PTPN23: variants seen among roughly 807,000 people sequenced by gnomAD.
PTPN23 encodes the protein protein tyrosine phosphatase non-receptor type 23, also known as tyrosine-protein phosphatase non-receptor type 23.
PTPN23 carries 72 observed loss-of-function variants against 156.3 expected under a neutral mutation model. The ratio of observed to expected loss-of-function variants is 0.46; its 90% confidence interval spans 0.38 to 0.56. The LOEUF (loss-of-function observed/expected upper bound fraction) is 0.56, where lower values mean the gene tolerates loss of function less well. PTPN23 is among the 20% of genes least tolerant of loss of function. PTPN23 has a pLI of 0.00. For missense variants in PTPN23, 1,974 were observed against 2,171.5 expected (o/e 0.91, Z 1.81); for synonymous variants, 957 against 899.6 (o/e 1.06, Z -1.14).
At chr3:47,393,812 A>C (rs530371052) in intron 1 of PTPN23, among the ~76,000 whole-genome samples, 1 of 151,836 alleles carries the variant, frequency 6.6e-6, no homozygotes, top group African/African-American at 2.4e-5. Context: ...GAGTGTGCAC[A>C]CAGCTCACCA....
intron 1 of PTPN23, among the ~76,000 whole-genome samples, chr3:47,393,231 C>T (rs1167212740): frequency 2.6e-5 from 4 of 152,124 alleles, no homozygotes; most frequent in African/African-American, 9.7e-5. Context: ...CAGCTCACTG[C>T]AACCTCCCCC....
intron 1 of PTPN23, among the ~76,000 whole-genome samples, chr3:47,394,255 A>G (rs1405087684): frequency 3.3e-5 from 5 of 152,100 alleles, no homozygotes; most frequent in Non-Finnish European, 5.9e-5. Context: ...ACCATTCCTT[A>G]ATGCTTATTG....
intron 2 of PTPN23, among the ~76,000 whole-genome samples, chr3:47,400,723 G>A (rs1382928964): frequency 1.3e-5 from 2 of 151,876 alleles, no homozygotes; most frequent in Non-Finnish European, 2.9e-5. Flanking sequence ...ACAGGCACTC[G>A]CCATCACGCC....
At chr3:47,401,060 G>A (rs1353147041) in intron 2 of PTPN23, among the ~76,000 whole-genome samples, 3 of 151,536 alleles carry the variant, frequency 2.0e-5, no homozygotes, top group Non-Finnish European at 4.4e-5. Flanking sequence ...CCGTCACCAT[G>A]CCTGGCTAAT....
chr3:47,390,079 A>T (rs1405343029), intron 1 of PTPN23, among the ~76,000 whole-genome samples: 1 of 151,282 alleles, frequency 6.6e-6, no homozygotes, highest in Non-Finnish European at 1.5e-5. Context: ...TCTCAAAAAA[A>T]AAAAAAAAAA....
rs776879244 is a variant in PTPN23 at position 47,412,865 on chromosome 3, C to A, written c.4591C>A (p.Pro1531Thr). The A allele has an allele frequency of 7.9e-5, 128 of 1,613,312 alleles. 1 individual carries two copies. The South Asian group carries it at 1.2e-3, about 15-fold the overall frequency. The change falls in exon 25 of 25, where the codon CCA (proline) becomes ACA (threonine). Residue 1531 changes from proline to threonine, a missense_variant. Around this residue, in one of 4 missense-constraint regions of PTPN23, gnomAD observed 484 missense variants for 516.0 expected, o/e 0.94. Transcript: ENST00000265562. Reference protein sequence around the residue: ...PGPAEPPGLPPASLPESTPIP... With the variant: ...PGPAEPPGLPTASLPESTPIP... Reference sequence around the variant, plus strand: ...CCCTGCAGAGCCCCCAGGCCTCCCGCCAGCCAGCCTCCCAGAGTCTACCCC... The same window carrying A: ...CCCTGCAGAGCCCCCAGGCCTCCCGACAGCCAGCCTCCCAGAGTCTACCCC...
At position 47,411,309 on chromosome 3, in the gene PTPN23, C is replaced by T; in HGVS notation, c.3511C>T (p.Leu1171=). ...ERDPYEHPER[L]RQLQQELEAF... is the part of the protein sequence containing the mutation. ...GGACCCCTATGAGCATCCTGAGAGG[C>T]TGCGGCAGTTGCAGCAGGAGCTGGA... The change falls in exon 20 of 25, where the codon CTG becomes TTG. Residue 1171 remains leucine (L), a synonymous_variant. Transcript: ENST00000265562. The surrounding 1 kb of genome is among the most constrained non-coding windows in gnomAD (Gnocchi z 6.3). 6.2e-7 allele frequency: 1 copy of T among 1,612,652 alleles called. No homozygotes were observed. The highest frequency in any genetic ancestry group is 8.5e-7 in the Non-Finnish European group (1 of 1,179,970).
intron 2 of PTPN23, among the ~76,000 whole-genome samples, chr3:47,398,851 C>T (rs964304192): frequency 1.3e-5 from 2 of 152,238 alleles, no homozygotes; most frequent in African/African-American, 2.4e-5. Context: ...AGGCATGAGC[C>T]GCAGCACCCG....
intron 1 of PTPN23, among the ~76,000 whole-genome samples, chr3:47,390,750 A>T (rs187912758): frequency 6.6e-6 from 1 of 152,254 alleles, no homozygotes; most frequent in Admixed American, 6.5e-5. Flanking sequence ...GCAAATAATA[A>T]TAATAACATA....
At position 47,409,165 on chromosome 3, in the gene PTPN23, G is replaced by C; in HGVS notation, c.1645G>C (p.Asp549His). 3.1e-6 allele frequency: 5 copies of C among 1,613,678 alleles called. No homozygotes were observed. Among genetic ancestry groups the C allele is most frequent in the Non-Finnish European group, 4.2e-6 (5 of 1,179,754 alleles). Residue 549 changes from aspartate to histidine, a missense_variant and splice_region_variant, in exon 17 of 25, where the codon GAC becomes CAC. By Grantham distance (81) the Asp-to-His change is moderately conservative. Transcript: ENST00000265562. ...ALPTPALSPE[D>H]KAVLQNLKRI... ...TCACTGACCACTGCTGCCCACAGAG[G>C]ACAAGGCCGTGCTGCAAAACCTAAA...
In PTPN23 at chr3:47,411,260, G is replaced by A. The variant is rs757624463; in HGVS notation, c.3462G>A (p.Pro1154=). ...TKVDAAEGRR[P]QALRLIERDP... is the part of the protein sequence containing the mutation. The stretch of plus-strand genomic sequence containing the variant: ...TGGATGCAGCTGAGGGTCGTCGGCC[G>A]CAGGCCCTGCGGCTGATTGAGCGGG... The change falls in exon 20 of 25, where the codon CCG becomes CCA. Residue 1154 remains proline, a synonymous_variant. Transcript: ENST00000265562. The surrounding 1 kb of genome is among the most constrained non-coding windows in gnomAD (Gnocchi z 6.3). 4.5e-5 allele frequency: 73 copies of A among 1,609,606 alleles called. No homozygotes were observed. The highest frequency in any genetic ancestry group is 2.6e-5 in the Non-Finnish European group (31 of 1,179,810).
Position 47,405,731 on chromosome 3 carries a change from T to C in PTPN23, c.365-18T>C. On this transcript the variant is annotated intron_variant, in intron 4 of 24. Transcript: ENST00000265562. This position sits in a 1 kb window ranked among gnomAD's most constrained non-coding sequence, Gnocchi z 4.7. ...GTGAGCAGCCCCAGGCCCCTAACAC[T>C]GTCCCCTCCCTCCCCAGGAGCGCTG... The C allele has an allele frequency of 1.9e-6, 3 of 1,598,716 alleles. No individual in the cohort carries two copies. The highest frequency in any genetic ancestry group is 2.6e-6 in the Non-Finnish European group (3 of 1,173,312).
chr3:47,386,790 G>T (rs1210821543), intron 1 of PTPN23, among the ~76,000 whole-genome samples: 4 of 152,176 alleles, frequency 2.6e-5, no homozygotes, highest in African/African-American at 7.2e-5. Context: ...CTGTTCACTT[G>T]TATTTGCAGC....
chr3:47,391,815 G>A (rs1704779445), intron 1 of PTPN23, among the ~76,000 whole-genome samples: 3 of 152,156 alleles, frequency 2.0e-5, no homozygotes, highest in Admixed American at 2.0e-4. Context: ...CTGCAAGGGA[G>A]TTAACCACAG....
intron 24 of PTPN23, 34 bp from the exon 25 acceptor site, chr3:47,412,672 G>T: frequency 1.2e-6 from 2 of 1,602,460 alleles, no homozygotes; most frequent in South Asian, 2.2e-5. Context: ...CACAGCCTTG[G>T]GACTCCCTCT....
chr3:47,394,205 A>G (rs1243902578), intron 1 of PTPN23, among the ~76,000 whole-genome samples: 2 of 152,158 alleles, frequency 1.3e-5, no homozygotes, highest in African/African-American at 4.8e-5. Flanking sequence ...CTGTAAAAGC[A>G]ATCATTTGCT....
chr3:47,381,133 G>T lies in PTPN23; in HGVS notation c.37G>T (p.Asp13Tyr). Residue 13 changes from aspartate (D) to tyrosine (Y), a missense_variant, in exon 1 of 25, where the codon GAC (aspartate) becomes TAC (tyrosine). By Grantham distance (160) the Asp-to-Tyr change is radical. Transcript: ENST00000265562. Reference sequence around the variant, plus strand: ...GCCCCGCATGCCCATGATCTGGCTGGACCTGAAGGAGGCCGGTGACTTTCA... The same window carrying T: ...GCCCCGCATGCCCATGATCTGGCTGTACCTGAAGGAGGCCGGTGACTTTCA... ...AVPRMPMIWL[D>Y]LKEAGDFHFQ... 1 of 1,591,764 alleles carries T rather than the reference G, an allele frequency of 6.3e-7. No individual in the cohort carries two copies. Among genetic ancestry groups the T allele is most frequent in the Non-Finnish European group, 8.5e-7 (1 of 1,169,780 alleles).
Position 47,407,843 on chromosome 3 carries a change from G to A in PTPN23, c.1118+32G>A, listed in dbSNP as rs1490258135. 2.5e-6 allele frequency: 4 copies of A among 1,613,976 alleles called. No homozygotes were observed. Among genetic ancestry groups the A allele is most frequent in the African/African-American group, 2.7e-5 (2 of 74,926 alleles). On this transcript the variant is annotated intron_variant, in intron 13 of 24. Coordinates refer to ENST00000265562, the MANE Select transcript of PTPN23 (RefSeq NM_015466.4). This position sits in a 1 kb window ranked among gnomAD's most constrained non-coding sequence, Gnocchi z 4.0. ...GGAGGGTGGCACAGAGGGAGGTGGG[G>A]TGTCTTGAGATGTGGGTCTTCAGCA...
chr3:47,399,934 C>A (rs908609506), intron 2 of PTPN23, among the ~76,000 whole-genome samples: 1 of 152,170 alleles, frequency 6.6e-6, no homozygotes, highest in Non-Finnish European at 1.5e-5. Flanking sequence ...CCTACCTCAG[C>A]CTCCTGAGTA....
Sources: gnomAD v4.1 joint callset for allele counts (sites outside exome capture counted in the v4.1 genomes callset) on GRCh38, gnomAD v4.1.1 for gene constraint, gnomAD v4.1.1 regional missense constraint, Gnocchi (gnomAD v3.1) non-coding constraint, MANE v1.5 for transcripts, NCBI Gene and HGNC (gene_info 2026-07-23, HGNC 2026-07-21) for gene names.